The following MED15 variants were observed in gnomAD, a reference collection of about 807,000 sequenced individuals.
The protein encoded by MED15 is mediator of RNA polymerase II transcription subunit 15.
In MED15, 41 loss-of-function variants were observed where a neutral mutation model predicts 118.7. The observed-to-expected ratio is 0.35, with a 90% CI of 0.27 to 0.45. MED15 has a LOEUF of 0.45. Ranked by LOEUF, MED15 falls within the 20% of genes least tolerant of loss-of-function variation. The probability of loss-of-function intolerance (pLI) is 1.00; values close to 1 mark genes in which losing one functional copy is unlikely to be tolerated. For synonymous variants in MED15, 436 were observed against 413.9 expected, an observed-to-expected ratio of 1.05 and a Z score of -0.65; for missense variants, 740 against 1,025.5, an observed-to-expected ratio of 0.72 and a Z score of 3.80.
In MED15 at chr22:20,566,733, G is replaced by C. The variant is rs372981327; in HGVS notation, c.957G>C (p.Pro319=). 3.7e-6 allele frequency: 6 copies of C among 1,614,012 alleles called. No individual in the cohort carries two copies. Among genetic ancestry groups the C allele is most frequent in the Non-Finnish European group, 5.1e-6 (6 of 1,180,038 alleles). ...CTCAGAACCAACCATCACAACTCCC[G>C]CCACAGTCGCAGACCCAGCCTTTGG... ...PVAQNQPSQL[P]PQSQTQPLVS... Residue 319 remains proline (P), a synonymous_variant, in exon 7 of 18, where the codon CCG becomes CCC. Coordinates refer to ENST00000263205, the MANE Select transcript of MED15 (RefSeq NM_001003891.3).
At chr22:20,552,543 A>G (rs763455773) in intron 3 of MED15, 5 of 460,270 alleles carry the variant, frequency 1.1e-5, no homozygotes, top group Non-Finnish European at 1.8e-5. Context: ...TTTCAGGGAC[A>G]GTGGCCTGGC....
chr22:20,581,414 G>C (rs554270815), intron 9 of MED15, among the ~76,000 whole-genome samples: 1 of 152,178 alleles, frequency 6.6e-6, no homozygotes, highest in Non-Finnish European at 1.5e-5. Context: ...GAAGTGCTTG[G>C]GGGGTGGTGT....
At chr22:20,536,960 C>CGAAG (rs2055103140) in intron 1 of MED15, among the ~76,000 whole-genome samples, 157 bp from the exon 2 acceptor site, 1 of 152,174 alleles carries the variant, frequency 6.6e-6, no homozygotes, top group Admixed American at 6.5e-5. Context: ...GTTGAGTGCC[C>CGAAG]CTTCCCATAT....
chr22:20,567,499 G>A (rs145245798), intron 7 of MED15, among the ~76,000 whole-genome samples: 17 of 152,124 alleles, frequency 1.1e-4, no homozygotes, highest in Admixed American at 1.1e-3. Flanking sequence ...AGGCAAGTGT[G>A]GGGGTGAACA....
intron 1 of MED15, chr22:20,523,874 C>T: frequency 1.0e-6 from 1 of 980,794 alleles, no homozygotes. Flanking sequence ...TTTCAATGAT[C>T]TTGTTTACTG....
Position 20,586,851 on chromosome 22 carries a change from G to A in MED15, c.*147G>A, listed in dbSNP as rs771029213. On this transcript the variant is annotated 3_prime_UTR_variant, in exon 18 of 18. Transcript: ENST00000263205. ...CTTCTGCCTTGGGGACCTGCCAAAC[G>A]AAATCCCACACCTGTACAGAACTGG... is the stretch of plus-strand genomic sequence containing the variant. The A allele has an allele frequency of 7.3e-6, 9 of 1,232,554 alleles. No homozygotes were observed. Among genetic ancestry groups the A allele is most frequent in the African/African-American group, 6.1e-5 (4 of 66,054 alleles). The allele number at this position is 1,232,554 out of a possible 1,614,324, so 76.4% of individuals were successfully genotyped here. A position where few individuals can be genotyped will look rare whatever the true frequency, so the allele number is the denominator to read the frequency against.
intron 5 of MED15, among the ~76,000 whole-genome samples, chr22:20,555,895 G>A (rs1352839117): frequency 6.6e-6 from 1 of 152,160 alleles, no homozygotes; most frequent in African/African-American, 2.4e-5. Context: ...CTAATATTTT[G>A]TATTTTTTGT....
intron 1 of MED15, among the ~76,000 whole-genome samples, chr22:20,533,540 G>A (rs1218004608): frequency 6.6e-6 from 1 of 152,234 alleles, no homozygotes; most frequent in Non-Finnish European, 1.5e-5. Context: ...ACATGGCACA[G>A]TGCTGCTGTT....
intron 2 of MED15, among the ~76,000 whole-genome samples, chr22:20,546,300 C>A (rs1474771417): frequency 6.6e-6 from 1 of 152,064 alleles, no homozygotes; most frequent in East Asian, 1.9e-4. Context: ...GTGCCGTGGT[C>A]TTTTAGCAAA....
chr22:20,548,660 A>G (rs1337824005), intron 2 of MED15, among the ~76,000 whole-genome samples: 1 of 152,130 alleles, frequency 6.6e-6, no homozygotes, highest in Non-Finnish European at 1.5e-5. Context: ...TACGTTCCAC[A>G]GGTCTTATAT....
At chr22:20,531,507 CCT>C (rs1389730921) in intron 1 of MED15, among the ~76,000 whole-genome samples, 1 of 152,212 alleles carries the variant, frequency 6.6e-6, no homozygotes, top group Non-Finnish European at 1.5e-5. Context: ...TCCCTCCTCC[CCT>C]GTCTGCTTCC....
chr22:20,554,981 G>A lies in MED15; in HGVS notation c.284G>A (p.Gly95Glu). ...AGCCTGACTGGCGGACCTGCTGCGGGAGCCGCTGGAATTGGCATGCCTCCT... is the reference window on the plus strand; with the variant it reads ...AGCCTGACTGGCGGACCTGCTGCGGAAGCCGCTGGAATTGGCATGCCTCCT... ...LQSLTGGPAA[G>E]AAGIGMPPRG... The change falls in exon 5 of 18, where the codon GGA becomes GAA. Residue 95 changes from glycine (G) to glutamate (E), a missense_variant. Gly to Glu is a moderately conservative substitution (Grantham distance 98, BLOSUM62 -2). Around this residue, in one of 7 missense-constraint regions of MED15, gnomAD observed 117 missense variants for 124.6 expected, o/e 0.94. Transcript: ENST00000263205. 1.2e-6 allele frequency: 2 copies of A among 1,611,042 alleles called. No individual in the cohort carries two copies. The highest frequency in any genetic ancestry group is 1.7e-6 in the Non-Finnish European group (2 of 1,180,008).
chr22:20,547,155 T>C (rs2055575582), intron 2 of MED15, among the ~76,000 whole-genome samples: 1 of 152,140 alleles, frequency 6.6e-6, no homozygotes, highest in African/African-American at 2.4e-5. Context: ...GAATAAACAG[T>C]TTATATTACC....
chr22:20,542,869 C>G (rs1174376190), intron 2 of MED15, among the ~76,000 whole-genome samples: 1 of 152,174 alleles, frequency 6.6e-6, no homozygotes, highest in Non-Finnish European at 1.5e-5. Context: ...ATCTCTCTTC[C>G]TCACTTCTGT....
At chr22:20,519,107 C>T (rs185711492) in intron 1 of MED15, 2 of 335,466 alleles carry the variant, frequency 6.0e-6, no homozygotes, top group Non-Finnish European at 5.8e-6. Flanking sequence ...GCTGCCTCCG[C>T]CTCCCAAAGT....
intron 2 of MED15, among the ~76,000 whole-genome samples, chr22:20,538,991 G>A (rs1429044725): frequency 3.9e-5 from 6 of 151,982 alleles, no homozygotes; most frequent in African/African-American, 7.3e-5. Context: ...ATGAGCCACC[G>A]CACCCAGCCA....
intron 1 of MED15, among the ~76,000 whole-genome samples, chr22:20,524,530 G>A (rs1196667233): frequency 1.3e-5 from 2 of 152,190 alleles, no homozygotes; most frequent in African/African-American, 4.8e-5. Context: ...TGTGCCGTTG[G>A]CCTCACTCAT....
In MED15 at chr22:20,584,869, GC is replaced by G; in HGVS notation, c.1823del (p.Pro608ArgfsTer39). The G allele has an allele frequency of 6.2e-7, 1 of 1,609,264 alleles. No individual in the cohort carries two copies. ...CCTGTCTCCAGCCCACTCCCCCACCGCCCCCGGTGCCACCGACCAAACAGCA... is the reference window on the plus strand; with the variant it reads ...CCTGTCTCCAGCCCACTCCCCCACCGCCCCGGTGCCACCGACCAAACAGCA... The part of the protein sequence containing the change: ...NDMAVPTPPP[P>X]PVPPTKQQYL... On this transcript the variant is annotated frameshift_variant, in exon 15 of 18. Transcript: ENST00000263205. LOFTEE classifies it high-confidence loss of function.
At chr22:20,544,252 C>T (rs1326737539) in intron 2 of MED15, among the ~76,000 whole-genome samples, 1 of 152,198 alleles carries the variant, frequency 6.6e-6, no homozygotes. Flanking sequence ...TACTAGCCCT[C>T]CTTTGTTATT....
Sources: allele counts gnomAD v4.1 joint callset (sites outside exome capture counted in the v4.1 genomes callset), GRCh38; gene constraint gnomAD v4.1.1; regional missense constraint gnomAD v4.1.1; transcripts MANE v1.5; gene names NCBI Gene and HGNC (gene_info 2026-07-23, HGNC 2026-07-21).